MYH7: variants seen among roughly 807,000 people sequenced by gnomAD.
The protein encoded by MYH7 is myosin-7.
Under a neutral mutation model 225.4 loss-of-function variants are expected in MYH7, and 129 were observed. That is an observed-to-expected ratio of 0.57 (90% CI 0.50 to 0.66). MYH7 has a LOEUF of 0.66. Ranked by LOEUF, MYH7 falls within the 30% of genes least tolerant of loss-of-function variation. The pLI, the probability that MYH7 is intolerant of heterozygous loss-of-function variation, is 0.00. For synonymous variants in MYH7, 971 were observed against 1,007.6 expected (o/e 0.96, Z 0.69); for missense variants, 1,649 against 2,517.0 (o/e 0.66, Z 7.38).
Position 23,432,688 on chromosome 14 carries a change from C to T in MYH7, c.453G>A (p.Pro151=), listed in dbSNP as rs777382773. 17 of 1,613,924 alleles carry T rather than the reference C, an allele frequency of 1.1e-5. No homozygotes were observed. Among genetic ancestry groups the T allele is most frequent in the Middle Eastern group, 1.7e-4 (1 of 6,048 alleles). The change falls in exon 5 of 40, where the codon CCG becomes CCA. Residue 151 remains proline (P), a synonymous_variant. Coordinates refer to ENST00000355349, the MANE Select transcript of MYH7 (RefSeq NM_000257.4). ...AYRGKKRSEA[P]PHIFSISDNA... is the part of the protein sequence containing the mutation. ...TGTCGGAGATGGAGAAGATGTGGGGCGGGGCCTCGCTCCTCTTCTTGCCCC... is the reference window on the plus strand; with the variant it reads ...TGTCGGAGATGGAGAAGATGTGGGGTGGGGCCTCGCTCCTCTTCTTGCCCC...
At chr14:23,414,401 C>A (rs1892099180) in intron 37 of MYH7, among the ~76,000 whole-genome samples, 2 of 152,100 alleles carry the variant, frequency 1.3e-5, no homozygotes, top group African/African-American at 2.4e-5. Context: ...GGATGAAGTC[C>A]CCTGCTCTGG....
At chr14:23,417,416 C>G in intron 31 of MYH7, 87 bp downstream of exon 31, 1 of 1,611,786 alleles carries the variant, frequency 6.2e-7, no homozygotes, top group African/African-American at 1.3e-5. Flanking sequence ...CCTCCCCCAC[C>G]TCCAAGGAGG....
At chr14:23,426,260 A>G (rs1179260065) in intron 18 of MYH7, among the ~76,000 whole-genome samples, 179 bp from the exon 19 acceptor site, 1 of 152,158 alleles carries the variant, frequency 6.6e-6, no homozygotes, top group South Asian at 2.1e-4. Context: ...CCTTTTTTAT[A>G]TGATTCACAC....
In MYH7 at chr14:23,429,353, A is replaced by G; in HGVS notation, c.1139-6T>C. 1.2e-6 allele frequency: 2 copies of G among 1,613,018 alleles called. No homozygotes were observed. Among genetic ancestry groups the G allele is most frequent in the Non-Finnish European group, 1.7e-6 (2 of 1,178,976 alleles). On this transcript the variant is annotated splice_polypyrimidine_tract_variant and splice_region_variant and intron_variant, in intron 12 of 39. Transcript: ENST00000355349. The stretch of plus-strand genomic sequence containing the variant: ...GTAGGCAGACTTGTCAGCCTCTGGA[A>G]GGAAAAGGCAAGTAGCAAAGTTGGT...
rs376668612 is a variant in MYH7 at position 23,414,075 on chromosome 14, G to A, written c.5587C>T (p.Arg1863Trp). Residue 1863 changes from arginine to tryptophan, a missense_variant, in exon 38 of 40, where the codon CGG becomes TGG. Coordinates refer to ENST00000355349, the MANE Select transcript of MYH7 (RefSeq NM_000257.4). ...AGCTTGTCTACCAGGTCCTGCAGCC[G>A]CAGCAGGTTTTTCCTGTCCTCCTCC... ...QTEEDRKNLL[R>W]LQDLVDKLQL... The A allele has an allele frequency of 7.4e-6, 12 of 1,613,622 alleles. No homozygotes were observed. Among genetic ancestry groups the A allele is most frequent in the South Asian group, 5.5e-5 (5 of 91,078 alleles).
chr14:23,431,565 C>T lies in MYH7; in HGVS notation c.732+20G>A, dbSNP rs768818450. 3 of 1,614,184 alleles carry T rather than the reference C, an allele frequency of 1.9e-6. No homozygotes were observed. Among genetic ancestry groups the T allele is most frequent in the East Asian group, 4.5e-5 (2 of 44,886 alleles). The stretch of plus-strand genomic sequence containing the variant: ...CCTCCACCAGTCCAAGTCCCAAGGC[C>T]AAGGTCAGGGACCACTCACGAAGCG... On this transcript the variant is annotated intron_variant, in intron 8 of 39. Coordinates refer to ENST00000355349, the MANE Select transcript of MYH7 (RefSeq NM_000257.4).
chr14:23,417,699 G>T lies in MYH7; in HGVS notation c.4170-13C>A, dbSNP rs748463617. On this transcript the variant is annotated splice_polypyrimidine_tract_variant and intron_variant, in intron 30 of 39. Coordinates refer to ENST00000355349, the MANE Select transcript of MYH7 (RefSeq NM_000257.4). ...GGCCAGCTTCTTCCTGCCCAGGGGA[G>T]GGTGGCAGAGGGTGGGGAGGATGGA... The T allele has an allele frequency of 6.2e-7, 1 of 1,612,032 alleles. No individual in the cohort carries two copies. Among genetic ancestry groups the T allele is most frequent in the Non-Finnish European group, 8.5e-7 (1 of 1,179,890 alleles).
At position 23,422,382 on chromosome 14, in the gene MYH7, T is replaced by G. The variant is rs1892510708; in HGVS notation, c.3100-57A>C. ...GCAAAGCATCCTGACTTGGTGATTTTGTTGTTCAGTTACCTCAGGACTTGG... is the reference window on the plus strand; with the variant it reads ...GCAAAGCATCCTGACTTGGTGATTTGGTTGTTCAGTTACCTCAGGACTTGG... On this transcript the variant is annotated intron_variant, in intron 24 of 39. Coordinates refer to ENST00000355349, the MANE Select transcript of MYH7 (RefSeq NM_000257.4). The G allele has an allele frequency of 3.7e-6, 6 of 1,612,662 alleles. No individual in the cohort carries two copies. In the Admixed American group the frequency reaches 8.3e-5, roughly 22 times the overall value.
intron 33 of MYH7, 41 bp from the exon 34 acceptor site, chr14:23,416,353 G>C: frequency 1.3e-6 from 2 of 1,599,536 alleles, no homozygotes; most frequent in East Asian, 4.5e-5. Context: ...CAGACAGTCA[G>C]GGCACAGGGC....
intron 2 of MYH7, among the ~76,000 whole-genome samples, 160 bp downstream of exon 2, chr14:23,434,034 C>T (rs982080964): frequency 1.3e-5 from 2 of 152,234 alleles, no homozygotes; most frequent in Non-Finnish European, 2.9e-5. Flanking sequence ...ATCTCTGACC[C>T]TCATCTATCC....
At chr14:23,427,105 GA>G in intron 17 of MYH7, 134 bp downstream of exon 17, 1 of 913,306 alleles carries the variant, frequency 1.1e-6, no homozygotes, top group Non-Finnish European at 1.8e-6. Context: ...AGAGAAGACA[GA>G]GTGAAAATGG....
chr14:23,433,033 T>A lies in MYH7; in HGVS notation c.345+51A>T. 6.2e-7 allele frequency: 1 copy of A among 1,613,182 alleles called. No individual in the cohort carries two copies. Among genetic ancestry groups the A allele is most frequent in the Non-Finnish European group, 8.5e-7 (1 of 1,179,434 alleles). The stretch of plus-strand genomic sequence containing the variant: ...ACACTCTTGGCTCCTGGGGTGGACA[T>A]GGATGGAGCAAGAACAGAGATCCCA... On this transcript the variant is annotated intron_variant, in intron 4 of 39. Transcript: ENST00000355349. This position sits in a 1 kb window ranked among gnomAD's most constrained non-coding sequence, Gnocchi z 4.1.
At chr14:23,420,288 C>G (rs1057124286) in intron 26 of MYH7, 54 bp from the exon 27 acceptor site, 3 of 1,589,592 alleles carry the variant, frequency 1.9e-6, no homozygotes, top group Non-Finnish European at 2.6e-6. Context: ...CACTGGAATC[C>G]CCCCGGCTCT....
At chr14:23,419,782 A>T in intron 27 of MYH7, 63 bp downstream of exon 27, 1 of 1,613,504 alleles carries the variant, frequency 6.2e-7, no homozygotes, top group Non-Finnish European at 8.5e-7. Flanking sequence ...AAGAGACACT[A>T]CATGGACAGA....
chr14:23,426,733 C>T lies in MYH7; in HGVS notation c.2044+44G>A, dbSNP rs755960981. 2.3e-5 allele frequency: 36 copies of T among 1,549,632 alleles called. No homozygotes were observed. The Middle Eastern group carries it at 5.1e-4, about 22-fold the overall frequency. The stretch of plus-strand genomic sequence containing the variant: ...GTCCTAGGAGGTCCTGTTCCCAGGG[C>T]GGTGTATGCCCAGCAGTGGGTTGGC... On this transcript the variant is annotated intron_variant, in intron 18 of 39. Coordinates refer to ENST00000355349, the MANE Select transcript of MYH7 (RefSeq NM_000257.4).
At position 23,425,609 on chromosome 14, in the gene MYH7, G is replaced by A. The variant is rs2138667726; in HGVS notation, c.2286+86C>T. On this transcript the variant is annotated intron_variant, in intron 20 of 39. Coordinates refer to ENST00000355349, the MANE Select transcript of MYH7 (RefSeq NM_000257.4). The surrounding 1 kb of genome is among the most constrained non-coding windows in gnomAD (Gnocchi z 4.6). ...GGGTAGCATACAGGTAAGAGATTTT[G>A]CTAAGATGATTACAACAGGAAAAGC... is the stretch of plus-strand genomic sequence containing the variant. 6.2e-7 allele frequency: 1 copy of A among 1,606,670 alleles called. No homozygotes were observed. Among genetic ancestry groups the A allele is most frequent in the Admixed American group, 1.7e-5 (1 of 59,988 alleles).
intron 27 of MYH7, 44 bp from the exon 28 acceptor site, chr14:23,419,653 G>A (rs1260470004): frequency 1.9e-6 from 3 of 1,613,698 alleles, no homozygotes; most frequent in African/African-American, 2.7e-5. Context: ...TGGGGGCGGG[G>A]GGAATGAAGG....
In MYH7 at chr14:23,433,883, A is replaced by G; in HGVS notation, c.-8-143T>C. The G allele has an allele frequency of 1.2e-6, 1 of 826,726 alleles. No homozygotes were observed. The highest frequency in any genetic ancestry group is 1.9e-6 in the Non-Finnish European group (1 of 516,342). 51.2% of individuals were successfully genotyped at this position (826,726 alleles called of 1,614,324 possible). On this transcript the variant is annotated intron_variant, in intron 2 of 39. Coordinates refer to ENST00000355349, the MANE Select transcript of MYH7 (RefSeq NM_000257.4). This position sits in a 1 kb window ranked among gnomAD's most constrained non-coding sequence, Gnocchi z 4.1. ...TTACCAGTGAGTCCCTTCCTCTTTG[A>G]GGTTACCCCTTAACCAGAGGAGCAG...
At chr14:23,423,801 G>A in intron 23 of MYH7, 78 bp from the exon 24 acceptor site, 2 of 1,612,866 alleles carry the variant, frequency 1.2e-6, no homozygotes, top group Non-Finnish European at 1.7e-6. Flanking sequence ...TCCATGTCAA[G>A]GTCCATGCTG....
Sources: gnomAD v4.1 joint callset for allele counts (sites outside exome capture counted in the v4.1 genomes callset) on GRCh38, gnomAD v4.1.1 for gene constraint, Gnocchi (gnomAD v3.1) non-coding constraint, MANE v1.5 for transcripts, NCBI Gene and HGNC (gene_info 2026-07-23, HGNC 2026-07-21) for gene names.